Variants in MKLN1 observed in about 807,000 individuals in gnomAD.
MKLN1 encodes the protein muskelin.
MKLN1 carries 18 observed loss-of-function variants against 99.0 expected under a neutral mutation model. The observed-to-expected ratio is 0.18, with a 90% CI of 0.13 to 0.27. MKLN1 has a LOEUF of 0.27. MKLN1 is among the 10% of genes least tolerant of loss of function. The probability of loss-of-function intolerance (pLI) is 1.00; values close to 1 mark genes in which losing one functional copy is unlikely to be tolerated. For missense variants in MKLN1, 621 were observed against 875.9 expected (o/e 0.71, Z 3.67); for synonymous variants, 288 against 293.2 (o/e 0.98, Z 0.18).
At chr7:131,298,012 G>A (rs1478788137) in intron 3 of MKLN1, among the ~76,000 whole-genome samples, 2 of 152,286 alleles carry the variant, frequency 1.3e-5, no homozygotes, top group South Asian at 2.1e-4. Context: ...GGCCGGGCGC[G>A]GTGGCTCACG....
intron 12 of MKLN1, among the ~76,000 whole-genome samples, chr7:131,450,855 A>T (rs1225881720): frequency 1.3e-5 from 2 of 152,220 alleles, no homozygotes; most frequent in East Asian, 1.9e-4. Flanking sequence ...CTAGGTATTC[A>T]TCTGGCTGTA....
intron 15 of MKLN1, among the ~76,000 whole-genome samples, chr7:131,469,646 C>T (rs1165734417): frequency 2.0e-5 from 3 of 152,184 alleles, no homozygotes; most frequent in Non-Finnish European, 4.4e-5. Context: ...ATGCCATCAA[C>T]CTGAACACCA....
At position 131,184,353 on chromosome 7, in the gene MKLN1, A is replaced by C. The variant is rs529078034; in HGVS notation, c.-296-18504A>C. Among the ~76,000 whole-genome samples the C allele has an allele frequency of 2.0e-5, 3 of 152,236 alleles. No homozygotes were observed. In the East Asian group the frequency reaches 5.8e-4, roughly 29 times the overall value. On this transcript the variant is annotated intron_variant, in intron 2 of 7. Coordinates refer to the MKLN1 transcript ENST00000416992. ...CCAAATCCATATTTGTTTCAGATGC[A>C]AAATTCTATTCCAAATATCTGTTCT...
intron 3 of MKLN1, among the ~76,000 whole-genome samples, chr7:131,225,405 G>T (rs1236537624): frequency 2.0e-5 from 3 of 152,156 alleles, no homozygotes; most frequent in South Asian, 2.1e-4. Context: ...GACTTTGGGG[G>T]TTAGATTTTC....
At chr7:131,393,165 G>A (rs1794257346) in intron 4 of MKLN1, among the ~76,000 whole-genome samples, 1 of 152,144 alleles carries the variant, frequency 6.6e-6, no homozygotes, top group Admixed American at 6.5e-5. Flanking sequence ...TGTCCAATGG[G>A]GAAAACTGAT....
chr7:131,467,934 G>A (rs1452902403), intron 15 of MKLN1, among the ~76,000 whole-genome samples: 1 of 152,152 alleles, frequency 6.6e-6, no homozygotes, highest in African/African-American at 2.4e-5. Flanking sequence ...AGATGCAGGC[G>A]GAGACCATCT....
chr7:131,359,371 T>C (rs1057435899), intron 1 of MKLN1, among the ~76,000 whole-genome samples: 1 of 152,212 alleles, frequency 6.6e-6, no homozygotes, highest in African/African-American at 2.4e-5. Flanking sequence ...GCATACTTTG[T>C]GTAATCTTCA....
At chr7:131,192,966 T>G (rs1232302625) in intron 2 of MKLN1, among the ~76,000 whole-genome samples, 1 of 152,176 alleles carries the variant, frequency 6.6e-6, no homozygotes, top group African/African-American at 2.4e-5. Context: ...GAGAGGGATA[T>G]TATGAAAATG....
At chr7:131,362,955 GATA>G (rs1437794413) in intron 1 of MKLN1, among the ~76,000 whole-genome samples, 9 of 151,892 alleles carry the variant, frequency 5.9e-5, no homozygotes, top group African/African-American at 1.9e-4. Flanking sequence ...TAAAAGTAAT[GATA>G]ATAAAAATAT....
chr7:131,216,070 C>G lies in MKLN1; in HGVS notation c.-179+13096C>G, dbSNP rs543159208. Among the ~76,000 whole-genome samples, 4 of 152,220 alleles carry G rather than the reference C, an allele frequency of 2.6e-5. No homozygotes were observed. The East Asian group carries it at 7.7e-4, about 29-fold the overall frequency. On this transcript the variant is annotated intron_variant, in intron 3 of 7. Transcript: ENST00000416992. ...GAACCGAACCGGCCCATGTTTTTAG[C>G]CCCATTTATTGCTTTGCATTTCCGG...
intron 3 of MKLN1, among the ~76,000 whole-genome samples, chr7:131,315,746 G>C (rs995508988): frequency 6.6e-6 from 1 of 152,182 alleles, no homozygotes; most frequent in Non-Finnish European, 1.5e-5. Context: ...GGCTTTAGTA[G>C]GCAGTTTTCC....
chr7:131,298,021 C>T (rs1798319278), intron 3 of MKLN1, among the ~76,000 whole-genome samples: 1 of 152,186 alleles, frequency 6.6e-6, no homozygotes, highest in Non-Finnish European at 1.5e-5. Flanking sequence ...CGGTGGCTCA[C>T]GCCTGTAATC....
intron 3 of MKLN1, among the ~76,000 whole-genome samples, chr7:131,282,218 G>A (rs113587892): frequency 0.054 from 8,216 of 151,760 alleles, 289 homozygotes; most frequent in Non-Finnish European, 0.076. Flanking sequence ...GCATGGTGGC[G>A]CATGCCTGTA....
At chr7:131,368,180 G>A (rs1800238394) in intron 1 of MKLN1, among the ~76,000 whole-genome samples, 1 of 152,136 alleles carries the variant, frequency 6.6e-6, no homozygotes, top group South Asian at 2.1e-4. Flanking sequence ...AGTGGAAATG[G>A]GTGGAGGGGA....
At chr7:131,474,255 GA>G (rs1277100973) in intron 16 of MKLN1, among the ~76,000 whole-genome samples, 1 of 152,128 alleles carries the variant, frequency 6.6e-6, no homozygotes, top group East Asian at 1.9e-4. Context: ...TCTAGTGTTT[GA>G]AAGAAACGAC....
chr7:131,268,507 T>C (rs1797840129), intron 3 of MKLN1, among the ~76,000 whole-genome samples: 1 of 152,210 alleles, frequency 6.6e-6, no homozygotes. Context: ...GGTGATTTGA[T>C]TCTATGCAGT....
chr7:131,232,040 C>G (rs1797251596), intron 3 of MKLN1, among the ~76,000 whole-genome samples: 1 of 152,034 alleles, frequency 6.6e-6, no homozygotes, highest in African/African-American at 2.4e-5. Context: ...AAAATTCATT[C>G]CTATAATTTT....
chr7:131,359,029 G>GATTT (rs931408548), intron 1 of MKLN1, among the ~76,000 whole-genome samples: 3 of 151,842 alleles, frequency 2.0e-5, no homozygotes, highest in East Asian at 1.9e-4. Context: ...TTTGCCCTAA[G>GATTT]ATTTATTTAT....
intron 1 of MKLN1, among the ~76,000 whole-genome samples, chr7:131,116,565 T>G (rs1387919517): frequency 1.3e-5 from 2 of 152,066 alleles, no homozygotes; most frequent in Non-Finnish European, 2.9e-5. Flanking sequence ...TGATGATTAC[T>G]TATTATTAGA....
Sources: gnomAD v4.1 joint callset for allele counts (sites outside exome capture counted in the v4.1 genomes callset) on GRCh38, gnomAD v4.1.1 for gene constraint, MANE v1.5 for transcripts, NCBI Gene and HGNC (gene_info 2026-07-23, HGNC 2026-07-21) for gene names.